The following GCNT3 variants were observed in gnomAD, a reference collection of about 807,000 sequenced individuals.
The protein encoded by GCNT3 is glucosaminyl (N-acetyl) transferase 3, mucin type.
For missense variants in GCNT3, 708 were observed against 530.3 expected (o/e 1.34, Z -3.29); for synonymous variants, 269 against 195.2 (o/e 1.38, Z -3.15).
rs1376547056 is a variant in GCNT3 at position 59,620,775 on chromosome 15, A to G, written c.*1220A>G. ...TTTTTGTAGGGGGAGAGTCTGCACT[A>G]TTAATAATTGTATTGAGAAATAAAA... is the stretch of plus-strand genomic sequence containing the variant. On this transcript the variant is annotated 3_prime_UTR_variant, in exon 3 of 3. Transcript: ENST00000396065. The G allele has an allele frequency of 6.0e-6, 1 of 165,554 alleles. No individual in the cohort carries two copies. The highest frequency in any genetic ancestry group is 1.5e-5 in the Non-Finnish European group (1 of 67,904). The allele number at this position is 165,554 out of a possible 1,614,324, so 10.3% of individuals were successfully genotyped here.
intron 1 of GCNT3, among the ~76,000 whole-genome samples, chr15:59,612,644 C>T (rs1432995787): frequency 2.6e-5 from 4 of 152,192 alleles, no homozygotes; most frequent in Admixed American, 2.0e-4. Context: ...TGCGCCCTTT[C>T]TCCCTCTTGC....
chr15:59,617,153 T>C (rs1455530263), intron 2 of GCNT3, among the ~76,000 whole-genome samples: 1 of 150,128 alleles, frequency 6.7e-6, no homozygotes, highest in Non-Finnish European at 1.5e-5. Flanking sequence ...GTTTTTTCTT[T>C]ATTTTTCTTT....
Position 59,619,327 on chromosome 15 carries a change from G to C in GCNT3, c.1089G>C (p.Leu363=), listed in dbSNP as rs1257245406. The C allele has an allele frequency of 6.2e-7, 1 of 1,614,000 alleles. No homozygotes were observed. Among genetic ancestry groups the C allele is most frequent in the Non-Finnish European group, 8.5e-7 (1 of 1,180,024 alleles). ...DISDMTSIAR[L]VKWQGHEGDI... Reference sequence around the variant, plus strand: ...CAGACATGACTTCTATTGCCAGGCTGGTCAAGTGGCAGGGTCATGAGGGAG... The same window carrying C: ...CAGACATGACTTCTATTGCCAGGCTCGTCAAGTGGCAGGGTCATGAGGGAG... The change falls in exon 3 of 3, where the codon CTG becomes CTC. Residue 363 remains leucine (L), a synonymous_variant. Coordinates refer to ENST00000396065, the MANE Select transcript of GCNT3 (RefSeq NM_004751.3).
In GCNT3 at chr15:59,619,287, C is replaced by T. The variant is rs779195697; in HGVS notation, c.1049C>T (p.Pro350Leu). 1.2e-6 allele frequency: 2 copies of T among 1,614,134 alleles called. No homozygotes were observed. The highest frequency in any genetic ancestry group is 2.2e-5 in the South Asian group (2 of 91,076). ...RWMPGSVPNH[P>L]KYDISDMTSI... is the part of the protein sequence containing the mutation. ...ATGCCTGGCTCTGTTCCCAACCACCCCAAGTACGACATCTCAGACATGACT... is the reference window on the plus strand; with the variant it reads ...ATGCCTGGCTCTGTTCCCAACCACCTCAAGTACGACATCTCAGACATGACT... Residue 350 changes from proline to leucine, a missense_variant, in exon 3 of 3, where the codon CCC (proline) becomes CTC (leucine). By Grantham distance (98) the Pro-to-Leu change is moderately conservative (BLOSUM62 -3). Coordinates refer to ENST00000396065, the MANE Select transcript of GCNT3 (RefSeq NM_004751.3).
At chr15:59,615,689 C>T (rs1394949519) in intron 1 of GCNT3, among the ~76,000 whole-genome samples, 10 of 150,798 alleles carry the variant, frequency 6.6e-5, no homozygotes, top group Admixed American at 1.3e-4. Flanking sequence ...TTGAGATGAG[C>T]GTGGGCAACA....
In GCNT3 at chr15:59,618,804, C is replaced by G. The variant is rs2082732796; in HGVS notation, c.566C>G (p.Ala189Gly). The G allele has an allele frequency of 1.2e-6, 2 of 1,614,062 alleles. No individual in the cohort carries two copies. Among genetic ancestry groups the G allele is most frequent in the Non-Finnish European group, 1.7e-6 (2 of 1,180,042 alleles). The change falls in exon 3 of 3, where the codon GCC (alanine) becomes GGC (glycine). Residue 189 changes from alanine (A) to glycine (G), a missense_variant. Physicochemically the swap from Ala to Gly is moderately conservative, Grantham distance 60. Coordinates refer to ENST00000396065, the MANE Select transcript of GCNT3 (RefSeq NM_004751.3). ...IISCFPNVFI[A>G]SKLVRVVYAS... ...TCTTGCTTCCCAAATGTCTTCATAG[C>G]CAGTAAGCTGGTTCGGGTGGTTTAT...
intron 1 of GCNT3, among the ~76,000 whole-genome samples, chr15:59,613,387 C>G (rs1321933283): frequency 6.6e-6 from 1 of 151,884 alleles, no homozygotes; most frequent in Non-Finnish European, 1.5e-5. Flanking sequence ...ACATAACCAA[C>G]TTACTTTGGT....
In GCNT3 at chr15:59,618,274, C is replaced by G; in HGVS notation, c.36C>G (p.Tyr12Ter). The G allele has an allele frequency of 6.3e-7, 1 of 1,594,990 alleles. No individual in the cohort carries two copies. The highest frequency in any genetic ancestry group is 1.1e-5 in the South Asian group (1 of 88,676). ...VQWKRLCQLH[Y>*]LWALGCYMLL... is the part of the protein sequence containing the mutation. Reference sequence around the variant, plus strand: ...GGAAGAGACTCTGCCAGCTGCATTACTTGTGGGCTCTGGGCTGCTATATGC... The same window carrying G: ...GGAAGAGACTCTGCCAGCTGCATTAGTTGTGGGCTCTGGGCTGCTATATGC... The change falls in exon 3 of 3, where the codon TAC (tyrosine) becomes TAG (stop). Residue 12 changes from tyrosine to a stop codon, truncating the protein, a stop_gained. Coordinates refer to ENST00000396065, the MANE Select transcript of GCNT3 (RefSeq NM_004751.3). LOFTEE classifies it low-confidence loss of function (END_TRUNC).
intron 2 of GCNT3, among the ~76,000 whole-genome samples, chr15:59,617,225 ATTTG>A (rs1306219922): frequency 4.4e-5 from 6 of 136,842 alleles, no homozygotes; most frequent in East Asian, 2.1e-4. Context: ...GGACAGTGAA[ATTTG>A]TTTGGGAGTC....
chr15:59,614,545 T>G (rs1450315150), intron 1 of GCNT3, among the ~76,000 whole-genome samples: 1 of 152,170 alleles, frequency 6.6e-6, no homozygotes, highest in East Asian at 1.9e-4. Context: ...GCCTCCCCCT[T>G]TTAGATCAAA....
intron 1 of GCNT3, among the ~76,000 whole-genome samples, chr15:59,614,150 A>G (rs2082708992): frequency 6.6e-6 from 1 of 152,200 alleles, no homozygotes; most frequent in South Asian, 2.1e-4. Context: ...ATACTAATAA[A>G]GTGGAGGAGT....
At position 59,619,578 on chromosome 15, in the gene GCNT3, A is replaced by C. The variant is rs775564901; in HGVS notation, c.*23A>C. ...TGAGACACACTATGAGAGCGTTGCTACCTGTGGGGCAAGAGCATGTACAAA... is the reference window on the plus strand; with the variant it reads ...TGAGACACACTATGAGAGCGTTGCTCCCTGTGGGGCAAGAGCATGTACAAA... On this transcript the variant is annotated 3_prime_UTR_variant, in exon 3 of 3. Coordinates refer to ENST00000396065, the MANE Select transcript of GCNT3 (RefSeq NM_004751.3). 3.5e-6 allele frequency: 5 copies of C among 1,423,436 alleles called. No individual in the cohort carries two copies. The highest frequency in any genetic ancestry group is 4.9e-6 in the Non-Finnish European group (5 of 1,023,662). The allele number at this position is 1,423,436 out of a possible 1,614,324, so 88.2% of individuals were successfully genotyped here. A position where few individuals can be genotyped will look rare whatever the true frequency, so the allele number is the denominator to read the frequency against.
Position 59,619,145 on chromosome 15 carries a change from C to T in GCNT3, c.907C>T (p.Arg303Ter), listed in dbSNP as rs149782376. 33 of 1,613,976 alleles carry T rather than the reference C, an allele frequency of 2.0e-5. No homozygotes were observed. Among genetic ancestry groups the T allele is most frequent in the African/African-American group, 1.3e-4 (10 of 74,894 alleles). The change falls in exon 3 of 3, where the codon CGA becomes TGA. Residue 303 changes from arginine (R) to a stop codon, truncating the protein, a stop_gained. Coordinates refer to ENST00000396065, the MANE Select transcript of GCNT3 (RefSeq NM_004751.3). LOFTEE classifies it low-confidence loss of function (END_TRUNC). ...FTGNAYIVAS[R>*]DFVQHVLKNP... is the part of the protein sequence containing the mutation. ...AGGGAATGCGTACATTGTGGCTTCC[C>T]GAGATTTCGTCCAACATGTTTTGAA...
rs953251935 is a variant in GCNT3, at chr15:59,621,728, T to G, written c.*2173T>G. On this transcript the variant is annotated 3_prime_UTR_variant, in exon 3 of 3. Coordinates refer to ENST00000396065, the MANE Select transcript of GCNT3 (RefSeq NM_004751.3). ...CTCCTGCCTCAGCCTCCTGAGTAAC[T>G]GGGATTACAGGTGTGTGCCACCTTG... is the stretch of plus-strand genomic sequence containing the variant. 1 of 151,424 alleles carries G rather than the reference T, an allele frequency of 6.6e-6. No homozygotes were observed. Among genetic ancestry groups the G allele is most frequent in the Non-Finnish European group, 1.5e-5 (1 of 67,932 alleles). 9.4% of individuals were successfully genotyped at this position (151,424 alleles called of 1,614,324 possible).
At position 59,618,874 on chromosome 15, in the gene GCNT3, C is replaced by T; in HGVS notation, c.636C>T (p.Asp212=). 1 of 1,614,184 alleles carries T rather than the reference C, an allele frequency of 6.2e-7. No individual in the cohort carries two copies. The highest frequency in any genetic ancestry group is 1.3e-5 in the African/African-American group (1 of 75,044). The change falls in exon 3 of 3, where the codon GAC becomes GAT. Residue 212 remains aspartate, a synonymous_variant. Coordinates refer to ENST00000396065, the MANE Select transcript of GCNT3 (RefSeq NM_004751.3). ...AAGCTGACCTCAACTGCATGGAAGA[C>T]TTGCTCCAGAGCTCAGTGCCGTGGA... ...RVQADLNCME[D]LLQSSVPWKY...
chr15:59,619,004 G>A lies in GCNT3; in HGVS notation c.766G>A (p.Val256Ile), dbSNP rs1281076513. ...LNGRNSMESE[V>I]PPKHKETRWK... is the part of the protein sequence containing the mutation. ...TGGGAGGAATAGCATGGAGTCAGAG[G>A]TACCTCCTAAGCACAAAGAAACCCG... The change falls in exon 3 of 3, where the codon GTA (valine) becomes ATA (isoleucine). Residue 256 changes from valine to isoleucine, a missense_variant. Coordinates refer to ENST00000396065, the MANE Select transcript of GCNT3 (RefSeq NM_004751.3). 12 of 1,613,982 alleles carry A rather than the reference G, an allele frequency of 7.4e-6. No individual in the cohort carries two copies. The highest frequency in any genetic ancestry group is 1.0e-5 in the Non-Finnish European group (12 of 1,180,006).
chr15:59,614,076 A>T (rs1204199807), intron 1 of GCNT3, among the ~76,000 whole-genome samples: 1 of 152,166 alleles, frequency 6.6e-6, no homozygotes, highest in Admixed American at 6.5e-5. Context: ...TACTGAGGGA[A>T]TCTATAATGC....
chr15:59,620,566 C>T lies in GCNT3; in HGVS notation c.*1011C>T, dbSNP rs1211025466. 6.0e-6 allele frequency: 1 copy of T among 166,988 alleles called. No homozygotes were observed. Among genetic ancestry groups the T allele is most frequent in the East Asian group, 1.9e-4 (1 of 5,192 alleles). The allele number at this position is 166,988 out of a possible 1,614,324, so 10.3% of individuals were successfully genotyped here. On this transcript the variant is annotated 3_prime_UTR_variant, in exon 3 of 3. Coordinates refer to ENST00000396065, the MANE Select transcript of GCNT3 (RefSeq NM_004751.3). The stretch of plus-strand genomic sequence containing the variant: ...TTATATTGCCAGGTTTGTGATTTTT[C>T]TGTAAAGGAAAAGGCAGGGTGATTT...
rs762540457 is a variant in GCNT3, at chr15:59,618,548, C to G, written c.310C>G (p.Leu104Val). ...KREPFTDTHY[L>V]SLTRDCEHFK... ...AGAGCCTTTCACAGACACCCACTAC[C>G]TCTCCCTCACCAGAGACTGTGAGCA... The change falls in exon 3 of 3, where the codon CTC (leucine) becomes GTC (valine). Residue 104 changes from leucine to valine, a missense_variant. Coordinates refer to ENST00000396065, the MANE Select transcript of GCNT3 (RefSeq NM_004751.3). 6.2e-7 allele frequency: 1 copy of G among 1,614,140 alleles called. No homozygotes were observed. Among genetic ancestry groups the G allele is most frequent in the Non-Finnish European group, 8.5e-7 (1 of 1,179,988 alleles).
Sources: gnomAD v4.1 joint callset for allele counts (sites outside exome capture counted in the v4.1 genomes callset) on GRCh38, gnomAD v4.1.1 for gene constraint, MANE v1.5 for transcripts, NCBI Gene and HGNC (gene_info 2026-07-23, HGNC 2026-07-21) for gene names.